SNX17: variants seen among roughly 807,000 people sequenced by gnomAD.
The protein encoded by SNX17 is sorting nexin-17.
Under a neutral mutation model 64.3 loss-of-function variants are expected in SNX17, and 35 were observed. The ratio of observed to expected loss-of-function variants is 0.54; its 90% CI spans 0.42 to 0.72. SNX17 has a LOEUF of 0.72. Among genes scored for constraint, SNX17 ranks in the 30% least tolerant of loss-of-function variants. The probability of loss-of-function intolerance (pLI) is 0.00; values close to 1 mark genes in which losing one functional copy is unlikely to be tolerated. For synonymous variants in SNX17, 259 were observed against 230.2 expected, an observed-to-expected ratio of 1.13 and a Z score of -1.13; for missense variants, 538 against 610.0, an observed-to-expected ratio of 0.88 and a Z score of 1.24.
At chr2:27,373,067 C>G (rs559447722) in intron 3 of SNX17, 180 bp from the exon 4 acceptor site, 26 of 1,550,626 alleles carry the variant, frequency 1.7e-5, no homozygotes, top group Non-Finnish European at 2.1e-5. Context: ...ACCTAGATGG[C>G]AGCCAAGGGT....
At position 27,375,434 on chromosome 2, in the gene SNX17, G is replaced by T; in HGVS notation, c.775-72G>T. On this transcript the variant is annotated intron_variant, in intron 9 of 14. Transcript: ENST00000233575. This position sits in a 1 kb window ranked among gnomAD's most constrained non-coding sequence, Gnocchi z 4.1. ...ATTATAGGCATGAGCCACCGCGCCCGACCGGGGTTGCTTTTTCTGAGCTGC... is the reference window on the plus strand; with the variant it reads ...ATTATAGGCATGAGCCACCGCGCCCTACCGGGGTTGCTTTTTCTGAGCTGC... The T allele has an allele frequency of 3.2e-6, 5 of 1,555,060 alleles. No individual in the cohort carries two copies. Among genetic ancestry groups the T allele is most frequent in the South Asian group, 1.1e-5 (1 of 89,556 alleles).
chr2:27,371,842 G>A (rs1682609613), intron 2 of SNX17, among the ~76,000 whole-genome samples: 1 of 152,174 alleles, frequency 6.6e-6, no homozygotes, highest in Non-Finnish European at 1.5e-5. Flanking sequence ...ATTTAACTCA[G>A]TAGAGCTCCA....
Position 27,374,159 on chromosome 2 carries a change from G to A in SNX17, c.507G>A (p.Glu169=). The part of the protein sequence containing the change: ...YFSLFLVREK[E]DGAFSFVRKL... ...GTCTATTCTTAGTTCGAGAAAAAGA[G>A]GATGGAGCCTTTTCTTGTGAGTTTC... Residue 169 remains glutamate (E), a synonymous_variant, in exon 6 of 15, where the codon GAG becomes GAA. Transcript: ENST00000233575. 6.2e-7 allele frequency: 1 copy of A among 1,613,924 alleles called. No homozygotes were observed. The highest frequency in any genetic ancestry group is 8.5e-7 in the Non-Finnish European group (1 of 1,179,962).
At position 27,375,174 on chromosome 2, in the gene SNX17, G is replaced by C. The variant is rs1047615829; in HGVS notation, c.774+21G>C. 4.4e-6 allele frequency: 7 copies of C among 1,608,272 alleles called. No homozygotes were observed. The East Asian group carries it at 1.3e-4, about 31-fold the overall frequency. On this transcript the variant is annotated intron_variant, in intron 9 of 14. Transcript: ENST00000233575. This position sits in a 1 kb window ranked among gnomAD's most constrained non-coding sequence, Gnocchi z 4.1. ...AGGAGGTGAGCCCTGCCTCCTCTCT[G>C]TCTTCCTCTAAGGGCTTGCAGTGGC...
At position 27,375,523 on chromosome 2, in the gene SNX17, G is replaced by C; in HGVS notation, c.792G>C (p.Gln264His). 1 of 1,614,148 alleles carries C rather than the reference G, an allele frequency of 6.2e-7. No homozygotes were observed. Among genetic ancestry groups the C allele is most frequent in the Non-Finnish European group, 8.5e-7 (1 of 1,180,044 alleles). Residue 264 changes from glutamine (Q) to histidine (H), a missense_variant, in exon 10 of 15, where the codon CAG becomes CAC. Gln to His is a conservative substitution (Grantham distance 24). Coordinates refer to ENST00000233575, the MANE Select transcript of SNX17 (RefSeq NM_014748.4). The surrounding 1 kb of genome is among the most constrained non-coding windows in gnomAD (Gnocchi z 4.1). ...VSKKEFLRLA[Q>H]TLRHYGYLRF... The stretch of plus-strand genomic sequence containing the variant: ...TTTTTCAGTTCCTGAGACTGGCCCA[G>C]ACGCTGCGGCACTATGGCTACTTGC...
intron 2 of SNX17, 46 bp downstream of exon 2, chr2:27,371,389 A>C: frequency 1.3e-6 from 2 of 1,577,158 alleles, no homozygotes; most frequent in Non-Finnish European, 8.6e-7. Flanking sequence ...GCCCTTCCCT[A>C]CACGTGGACA....
At position 27,373,143 on chromosome 2, in the gene SNX17, A is replaced by C. The variant is rs1209736375; in HGVS notation, c.257-104A>C. 3.1e-6 allele frequency: 5 copies of C among 1,603,522 alleles called. No homozygotes were observed. In the East Asian group the frequency reaches 6.7e-5, roughly 22 times the overall value. On this transcript the variant is annotated intron_variant, in intron 3 of 14. Transcript: ENST00000233575. Reference sequence around the variant, plus strand: ...GGCCAGCTGGGGGATGTGGCAGGCCACCATCAGCCCAGGAAATGGGGTCGG... The same window carrying C: ...GGCCAGCTGGGGGATGTGGCAGGCCCCCATCAGCCCAGGAAATGGGGTCGG...
chr2:27,373,079 G>T (rs1336168255), intron 3 of SNX17, 168 bp from the exon 4 acceptor site: 1 of 1,554,324 alleles, frequency 6.4e-7, no homozygotes, highest in South Asian at 1.2e-5. Context: ...GCCAAGGGTG[G>T]GGCAGGTGAA....
intron 2 of SNX17, 72 bp from the exon 3 acceptor site, chr2:27,372,551 A>G: frequency 6.2e-7 from 1 of 1,609,514 alleles, no homozygotes; most frequent in Non-Finnish European, 8.5e-7. Flanking sequence ...AGAGAACATT[A>G]TGAGCATATG....
Position 27,375,758 on chromosome 2 carries a change from C to A in SNX17, c.978+49C>A, listed in dbSNP as rs926742602. Reference sequence around the variant, plus strand: ...GGGCCTGGGTTGGGGGCCCGGCAAGCCTTGAGCTTAGGTATGGGCTGCAGC... The same window carrying A: ...GGGCCTGGGTTGGGGGCCCGGCAAGACTTGAGCTTAGGTATGGGCTGCAGC... On this transcript the variant is annotated intron_variant, in intron 10 of 14. Coordinates refer to ENST00000233575, the MANE Select transcript of SNX17 (RefSeq NM_014748.4). This position sits in a 1 kb window ranked among gnomAD's most constrained non-coding sequence, Gnocchi z 4.1. 5 of 1,611,506 alleles carry A rather than the reference C, an allele frequency of 3.1e-6. No homozygotes were observed. The African/African-American group carries it at 6.7e-5, about 22-fold the overall frequency.
Position 27,370,713 on chromosome 2 carries a change from C to T in SNX17, c.-31C>T, listed in dbSNP as rs1168556173. The T allele has an allele frequency of 2.0e-6, 3 of 1,537,466 alleles. No homozygotes were observed. Among genetic ancestry groups the T allele is most frequent in the Admixed American group, 2.0e-5 (1 of 50,286 alleles). ...CAGAGCCGCTGCGGCCCTCACAGTC[C>T]GGAGCCCGGCCGTGCCGTGCCGTAG... On this transcript the variant is annotated 5_prime_UTR_variant, in exon 1 of 15. Coordinates refer to ENST00000233575, the MANE Select transcript of SNX17 (RefSeq NM_014748.4).
chr2:27,371,693 C>A (rs1267665093), intron 2 of SNX17: 2 of 204,414 alleles, frequency 9.8e-6, no homozygotes, highest in Non-Finnish European at 2.0e-5. Flanking sequence ...ACTTGAAATT[C>A]TTTTCCCTGC....
rs1464565549 is a variant in SNX17, at chr2:27,377,022, G to A, written c.*303G>A. 34 of 428,152 alleles carry A rather than the reference G, an allele frequency of 7.9e-5. No homozygotes were observed. The Admixed American group carries it at 9.8e-4, about 12-fold the overall frequency. The allele number at this position is 428,152 out of a possible 1,614,324, so 26.5% of individuals were successfully genotyped here. On this transcript the variant is annotated 3_prime_UTR_variant, in exon 15 of 15. Transcript: ENST00000233575. This position sits in a 1 kb window ranked among gnomAD's most constrained non-coding sequence, Gnocchi z 4.4. ...GAGGAACCATATCTCCCTCTGGGCC[G>A]CTTCTGGCCTCTTGGAGCCATGGGC...
chr2:27,375,864 A>C lies in SNX17; in HGVS notation c.997A>C (p.Ser333Arg). 1 of 1,614,166 alleles carries C rather than the reference A, an allele frequency of 6.2e-7. No individual in the cohort carries two copies. The highest frequency in any genetic ancestry group is 2.2e-5 in the East Asian group (1 of 44,884). Residue 333 changes from serine (S) to arginine (R), a missense_variant, in exon 11 of 15, where the codon AGC (serine) becomes CGC (arginine). Ser to Arg is a moderately radical substitution (Grantham distance 110). Around this residue, in one of 3 missense-constraint regions of SNX17, gnomAD observed 505 missense variants for 550.4 expected, o/e 0.92. Coordinates refer to ENST00000233575, the MANE Select transcript of SNX17 (RefSeq NM_014748.4). The surrounding 1 kb of genome is among the most constrained non-coding windows in gnomAD (Gnocchi z 4.1). ...VTSSVPLPSGSTSSPGRGRGE... is the reference protein window; with the variant it reads ...VTSSVPLPSGRTSSPGRGRGE... ...CTCCCAGGTACCATTGCCCAGTGGA[A>C]GCACGAGCAGCCCAGGCCGGGGCCG...
chr2:27,371,589 A>C (rs777889811), intron 2 of SNX17: 98 of 687,056 alleles, frequency 1.4e-4, no homozygotes, highest in Non-Finnish European at 1.9e-4. Flanking sequence ...TTACTGCTCT[A>C]GTAGCCTTTA....
chr2:27,372,092 C>G lies in SNX17; in HGVS notation c.139-531C>G, dbSNP rs369298540. On this transcript the variant is annotated intron_variant, in intron 2 of 14. Coordinates refer to ENST00000233575, the MANE Select transcript of SNX17 (RefSeq NM_014748.4). ...TAGAGAGGGGTTTCACTATGTTGGC[C>G]AGGCTGGTCTCAAACTCCTGACCTC... Among the ~76,000 whole-genome samples, 6 of 152,256 alleles carry G rather than the reference C, an allele frequency of 3.9e-5. No homozygotes were observed. The East Asian group carries it at 9.6e-4, about 24-fold the overall frequency.
At chr2:27,370,883 G>C (rs933400174) in intron 1 of SNX17, 77 bp downstream of exon 1, 23 of 1,473,388 alleles carry the variant, frequency 1.6e-5, no homozygotes, top group Non-Finnish European at 1.9e-5. Flanking sequence ...AGCGGCCTCT[G>C]AGGCCTGACC....
At chr2:27,371,168 C>A in intron 1 of SNX17, 101 bp from the exon 2 acceptor site, 1 of 1,030,114 alleles carries the variant, frequency 9.7e-7, no homozygotes, top group Non-Finnish European at 1.5e-6. Context: ...GGGAGATTAG[C>A]GCGTTACTCC....
In SNX17 at chr2:27,373,260, A is replaced by C; in HGVS notation, c.270A>C (p.Pro90=). The C allele has an allele frequency of 6.2e-7, 1 of 1,614,192 alleles. No individual in the cohort carries two copies. The highest frequency in any genetic ancestry group is 1.7e-5 in the Admixed American group (1 of 60,030). ...TTGTCCTCGTAGTTCGGCAAGACCC[A>C]TTGCTTGGGAGCAGCGAGACTTTCA... ...EKYMQAVRQD[P]LLGSSETFNS... is the part of the protein sequence containing the mutation. The change falls in exon 4 of 15, where the codon CCA becomes CCC. Residue 90 remains proline (P), a synonymous_variant. Coordinates refer to ENST00000233575, the MANE Select transcript of SNX17 (RefSeq NM_014748.4).
Sources: allele counts gnomAD v4.1 joint callset (sites outside exome capture counted in the v4.1 genomes callset), GRCh38; gene constraint gnomAD v4.1.1; regional missense constraint gnomAD v4.1.1; non-coding constraint Gnocchi (gnomAD v3.1); transcripts MANE v1.5; gene names NCBI Gene and HGNC (gene_info 2026-07-23, HGNC 2026-07-21).